Variants in PTPRN2 observed in about 807,000 individuals in gnomAD.
PTPRN2 encodes protein tyrosine phosphatase receptor type N2, also known as receptor-type tyrosine-protein phosphatase N2.
A neutral mutation model predicts 118.8 loss-of-function variants in PTPRN2; 74 were observed. The ratio of observed to expected loss-of-function variants is 0.62; its 90% CI spans 0.52 to 0.76. The LOEUF (loss-of-function observed/expected upper bound fraction) is 0.76, where lower values mean the gene tolerates loss of function less well. Ranked by LOEUF, PTPRN2 falls within the 30% of genes least tolerant of loss-of-function variation. The probability of loss-of-function intolerance (pLI) is 0.00; values close to 1 mark genes in which losing one functional copy is unlikely to be tolerated. For synonymous variants in PTPRN2, 641 were observed against 608.0 expected, an observed-to-expected ratio of 1.05 and a Z score of -0.80; for missense variants, 1,481 against 1,394.4, an observed-to-expected ratio of 1.06 and a Z score of -0.99.
chr7:158,523,732 G>T (rs1586865898), intron 1 of PTPRN2, among the ~76,000 whole-genome samples: 1 of 105,134 alleles, frequency 9.5e-6, no homozygotes, highest in Non-Finnish European at 1.9e-5. Context: ...GTCTGCCCTG[G>T]AGTGGAGTCG....
intron 21 of PTPRN2, among the ~76,000 whole-genome samples, chr7:157,568,017 G>T (rs77569820): frequency 1.7e-4 from 26 of 152,158 alleles, no homozygotes; most frequent in Non-Finnish European, 3.5e-4. Context: ...CCTATTTAAA[G>T]AGATGACCTT....
chr7:157,568,337 C>T (rs558427230), intron 21 of PTPRN2, among the ~76,000 whole-genome samples: 1 of 152,344 alleles, frequency 6.6e-6, no homozygotes, highest in Admixed American at 6.5e-5. Flanking sequence ...AGAGGAACGC[C>T]TCCCACAGCA....
chr7:157,991,769 C>T (rs1455154515), intron 11 of PTPRN2, among the ~76,000 whole-genome samples: 1 of 151,530 alleles, frequency 6.6e-6, no homozygotes, highest in Non-Finnish European at 1.5e-5. Context: ...CCAAGGGCAC[C>T]TAAGCACCAA....
chr7:158,334,556 C>CAAGAGGTGACACCTT (rs1805204283), intron 2 of PTPRN2, among the ~76,000 whole-genome samples: 1 of 112,158 alleles, frequency 8.9e-6, no homozygotes, highest in African/African-American at 3.1e-5. Flanking sequence ...CACACTCTCA[C>CAAGAGGTGACACCTT]CATAAGAGCT....
In PTPRN2 at chr7:158,219,115, T is replaced by G. The variant is rs549110786; in HGVS notation, c.278-13842A>C. Among the ~76,000 whole-genome samples the G allele has an allele frequency of 1.2e-3, 179 of 152,166 alleles. 1 individual carries two copies. Among genetic ancestry groups the G allele is most frequent in the African/African-American group, 4.3e-3 (178 of 41,526 alleles). On this transcript the variant is annotated intron_variant, in intron 3 of 22. Coordinates refer to ENST00000389418, the MANE Select transcript of PTPRN2 (RefSeq NM_002847.5). ...CAGACTACCCAACAACAACAGAATATATATTCTTCTTATCTGCACATGACA... is the reference window on the plus strand; with the variant it reads ...CAGACTACCCAACAACAACAGAATAGATATTCTTCTTATCTGCACATGACA...
chr7:157,822,742 A>T (rs947290925), intron 12 of PTPRN2, among the ~76,000 whole-genome samples: 2 of 151,188 alleles, frequency 1.3e-5, no homozygotes, highest in Admixed American at 6.6e-5. Context: ...ACCCATCCAC[A>T]TATCCCATCA....
intron 11 of PTPRN2, among the ~76,000 whole-genome samples, chr7:157,969,724 A>G (rs1263128219): frequency 6.6e-6 from 1 of 151,948 alleles, no homozygotes; most frequent in East Asian, 1.9e-4. Context: ...TTTGGCTTAG[A>G]CAGATTGGGC....
rs574935737 is a variant in PTPRN2, at chr7:157,787,941, C to T, written c.1789-105004G>A. Among the ~76,000 whole-genome samples, 1 of 152,040 alleles carries T rather than the reference C, an allele frequency of 6.6e-6. No individual in the cohort carries two copies. Among genetic ancestry groups the T allele is most frequent in the African/African-American group, 2.4e-5 (1 of 41,392 alleles). ...ACACTGACAGGCCTGGAGGTCTGGA[C>T]AATGGGGAGCCAGCACCGGGTCCCC... is the stretch of plus-strand genomic sequence containing the variant. On this transcript the variant is annotated intron_variant, in intron 12 of 22. Transcript: ENST00000389418. The surrounding 1 kb of genome is among the most constrained non-coding windows in gnomAD (Gnocchi z 5.3).
In PTPRN2 at chr7:157,756,453, G is replaced by A. The variant is rs190693338; in HGVS notation, c.1789-73516C>T. Among the ~76,000 whole-genome samples the A allele has an allele frequency of 1.8e-4, 27 of 152,028 alleles. No individual in the cohort carries two copies. The East Asian group carries it at 3.9e-3, about 22-fold the overall frequency. Reference sequence around the variant, plus strand: ...TGGGATTACAGGTGTCCGTCACCACGCCCAGCTAATTTTTGTATTTTTAAT... The same window carrying A: ...TGGGATTACAGGTGTCCGTCACCACACCCAGCTAATTTTTGTATTTTTAAT... On this transcript the variant is annotated intron_variant, in intron 12 of 22. Coordinates refer to ENST00000389418, the MANE Select transcript of PTPRN2 (RefSeq NM_002847.5).
At chr7:158,129,589 CTACAT>C (rs1401528851) in intron 9 of PTPRN2, among the ~76,000 whole-genome samples, 1 of 151,856 alleles carries the variant, frequency 6.6e-6, no homozygotes, top group Admixed American at 6.6e-5. Context: ...CCACACATCA[CTACAT>C]TACCACACAC....
At chr7:158,375,443 A>G (rs1810427520) in intron 2 of PTPRN2, among the ~76,000 whole-genome samples, 1 of 152,218 alleles carries the variant, frequency 6.6e-6, no homozygotes, top group South Asian at 2.1e-4. Flanking sequence ...GGCCAAACCC[A>G]GCCATCTCGG....
intron 2 of PTPRN2, among the ~76,000 whole-genome samples, chr7:158,369,688 C>G (rs1296427712): frequency 6.6e-6 from 1 of 152,154 alleles, no homozygotes; most frequent in Non-Finnish European, 1.5e-5. Flanking sequence ...GAAACTGGAA[C>G]ACTGAAACAG....
chr7:157,958,930 C>A (rs1170699756), intron 11 of PTPRN2, among the ~76,000 whole-genome samples: 1 of 152,132 alleles, frequency 6.6e-6, no homozygotes, highest in Non-Finnish European at 1.5e-5. Context: ...TCATGGGAAC[C>A]CAAACAACCA....
chr7:157,988,031 G>A (rs557445410), intron 11 of PTPRN2, among the ~76,000 whole-genome samples: 23 of 151,964 alleles, frequency 1.5e-4, no homozygotes, highest in African/African-American at 5.1e-4. Context: ...GCAGGGGACC[G>A]GAGTCCTCAC....
At chr7:157,750,007 G>A (rs1394152815) in intron 12 of PTPRN2, among the ~76,000 whole-genome samples, 2 of 151,888 alleles carry the variant, frequency 1.3e-5, no homozygotes, top group East Asian at 1.9e-4. Flanking sequence ...TCCCTGAGCT[G>A]TAGACTGTTC....
intron 3 of PTPRN2, among the ~76,000 whole-genome samples, chr7:158,274,051 A>AGGAGCCGCAGGCACAGGG (rs1798754625): frequency 7.6e-6 from 1 of 131,064 alleles, no homozygotes; most frequent in African/African-American, 3.2e-5. Flanking sequence ...GAGACACACG[A>AGGAGCCGCAGGCACAGGG]GGAGCCGCAG....
chr7:157,906,980 A>T (rs887057219), intron 11 of PTPRN2, among the ~76,000 whole-genome samples: 1 of 152,018 alleles, frequency 6.6e-6, no homozygotes, highest in African/African-American at 2.4e-5. Context: ...AAAGACTCTC[A>T]CTCAGCAAAT....
At chr7:158,071,737 T>A (rs867564118) in intron 11 of PTPRN2, among the ~76,000 whole-genome samples, 2 of 124,934 alleles carry the variant, frequency 1.6e-5, no homozygotes, top group African/African-American at 3.4e-5. Context: ...CTCGTGGTGG[T>A]GGAGGTGCTC....
chr7:157,692,505 G>A (rs1289836298), intron 12 of PTPRN2, among the ~76,000 whole-genome samples: 1 of 152,216 alleles, frequency 6.6e-6, no homozygotes, highest in African/African-American at 2.4e-5. Context: ...GCCGTCCGCT[G>A]CAGGCCCCTG....
Sources: allele counts gnomAD v4.1 joint callset (sites outside exome capture counted in the v4.1 genomes callset), GRCh38; gene constraint gnomAD v4.1.1; non-coding constraint Gnocchi (gnomAD v3.1); transcripts MANE v1.5; gene names NCBI Gene and HGNC (gene_info 2026-07-23, HGNC 2026-07-21).